NSUN4: variants seen among roughly 807,000 people sequenced by gnomAD.
NSUN4 encodes the protein 5-cytosine rRNA methyltransferase NSUN4.
In NSUN4, 31 loss-of-function variants were observed where a neutral mutation model predicts 43.8. The observed-to-expected ratio is 0.71, with a 90% CI of 0.53 to 0.96. The LOEUF is 0.96. Among genes scored for constraint, NSUN4 ranks in the 40% least tolerant of loss-of-function variants. NSUN4 has a pLI of 0.00. For synonymous variants in NSUN4, 167 were observed against 184.1 expected, an observed-to-expected ratio of 0.91 and a Z score of 0.75; for missense variants, 439 against 475.6, an observed-to-expected ratio of 0.92 and a Z score of 0.72.
the NSUN4 span, among the ~76,000 whole-genome samples, chr1:46,371,158 A>G: frequency 2.1e-5 from 3 of 143,870 alleles, no homozygotes; most frequent in Admixed American, 7.0e-5. Flanking sequence ...TTTTTTTGAG[A>G]CAGAGTCTTG....
At chr1:46,356,700 A>AG (rs201127808) in intron 4 of NSUN4, among the ~76,000 whole-genome samples, 32,040 of 148,536 alleles carry the variant, frequency 0.22, 3,981 homozygotes, top group Non-Finnish European at 0.29. Context: ...CAAAAAAAAA[A>AG]AAGAAGAAGA....
the NSUN4 span, among the ~76,000 whole-genome samples, chr1:46,383,458 T>TG: frequency 4.7e-5 from 7 of 147,944 alleles, no homozygotes; most frequent in Middle Eastern, 6.8e-3. Flanking sequence ...GTTTTTTTTT[T>TG]TTTTTTTTTT....
chr1:46,357,867 A>G (rs889606506), intron 4 of NSUN4, among the ~76,000 whole-genome samples: 8 of 152,198 alleles, frequency 5.3e-5, no homozygotes, highest in South Asian at 2.1e-4. Context: ...TGACTTAAGC[A>G]ATTGATGCCA....
Position 46,362,991 on chromosome 1 carries a change from T to TC in NSUN4, c.*1145_*1146insC, listed in dbSNP as rs1018621467. ...CAGATATTTTATTTTTAAACTTTTT[T>TC]TTTTTTTCCTGGAAAACATCCTGTG... On this transcript the variant is annotated 3_prime_UTR_variant, in exon 6 of 6. Transcript: ENST00000474844. The TC allele has an allele frequency of 6.6e-6, 1 of 152,028 alleles. No homozygotes were observed. The highest frequency in any genetic ancestry group is 2.4e-5 in the African/African-American group (1 of 41,412). 9.4% of individuals were successfully genotyped at this position (152,028 alleles called of 1,614,324 possible).
chr1:46,380,914 C>T, the NSUN4 span, among the ~76,000 whole-genome samples: 2 of 152,140 alleles, frequency 1.3e-5, no homozygotes, highest in South Asian at 4.1e-4. Context: ...AGGCCCTGTT[C>T]TGGTTGTGTT....
the NSUN4 span, among the ~76,000 whole-genome samples, chr1:46,373,057 C>T: frequency 6.6e-6 from 1 of 152,294 alleles, no homozygotes; most frequent in East Asian, 1.9e-4. Context: ...CCTTTAGCTT[C>T]CATTACCTTG....
the NSUN4 span, among the ~76,000 whole-genome samples, chr1:46,373,205 C>T: frequency 4.3e-4 from 66 of 151,958 alleles, no homozygotes; most frequent in African/African-American, 1.5e-3. Flanking sequence ...GATCCTTCAC[C>T]AGCACTGCCC....
chr1:46,374,098 G>A, the NSUN4 span, among the ~76,000 whole-genome samples: 2 of 151,702 alleles, frequency 1.3e-5, no homozygotes, highest in Non-Finnish European at 2.9e-5. Context: ...ATCAGCTTGC[G>A]CAACACGGTG....
intron 4 of NSUN4, among the ~76,000 whole-genome samples, chr1:46,354,879 C>G (rs1663258496): frequency 6.6e-6 from 1 of 152,136 alleles, no homozygotes; most frequent in Non-Finnish European, 1.5e-5. Flanking sequence ...CCATGTTGGT[C>G]AGACTGGTCT....
intron 2 of NSUN4, among the ~76,000 whole-genome samples, chr1:46,345,920 C>T (rs1245683286): frequency 1.3e-5 from 2 of 151,996 alleles, no homozygotes; most frequent in Non-Finnish European, 1.5e-5. Context: ...GAGGCTGAGG[C>T]GGGCGGATTG....
At chr1:46,360,249 A>AAAAAAAAAAAAT (rs1553177947) in intron 4 of NSUN4, among the ~76,000 whole-genome samples, 3 of 25,770 alleles carry the variant, frequency 1.2e-4, no homozygotes, top group Admixed American at 5.9e-4. Flanking sequence ...AAAAAAAAAA[A>AAAAAAAAAAAAT]ATATATATAT....
chr1:46,345,292 C>T lies in NSUN4; in HGVS notation c.437+148C>T. ...ACAGACTAGGCATTTTTTTGAGGTG[C>T]TGTACATATGTTATCTCTTTTTGTT... On this transcript the variant is annotated intron_variant, in intron 2 of 5. Coordinates refer to ENST00000474844, the MANE Select transcript of NSUN4 (RefSeq NM_199044.4). 2 of 613,606 alleles carry T rather than the reference C, an allele frequency of 3.3e-6. 1 individual carries two copies. The highest frequency in any genetic ancestry group is 4.1e-5 in the South Asian group (2 of 49,110). 38.0% of individuals were successfully genotyped at this position (613,606 alleles called of 1,614,324 possible). A position where few individuals can be genotyped will look rare whatever the true frequency, so the allele number is the denominator to read the frequency against.
At chr1:46,348,614 C>A (rs1368212218) in intron 3 of NSUN4, among the ~76,000 whole-genome samples, 2 of 146,352 alleles carry the variant, frequency 1.4e-5, no homozygotes, top group Non-Finnish European at 3.0e-5. Flanking sequence ...GAGGCTGAGG[C>A]AGGAAAATCG....
At chr1:46,356,664 G>A (rs969070443) in intron 4 of NSUN4, among the ~76,000 whole-genome samples, 7 of 151,742 alleles carry the variant, frequency 4.6e-5, no homozygotes, top group Non-Finnish European at 8.8e-5. Flanking sequence ...CTGCACTCCA[G>A]CCTGGGAGAC....
At chr1:46,380,346 A>G in the NSUN4 span, among the ~76,000 whole-genome samples, 1 of 152,198 alleles carries the variant, frequency 6.6e-6, no homozygotes, top group Non-Finnish European at 1.5e-5. Context: ...TCTTGCATGA[A>G]TGACCTGACA....
At chr1:46,374,013 G>A in the NSUN4 span, among the ~76,000 whole-genome samples, 2 of 152,088 alleles carry the variant, frequency 1.3e-5, no homozygotes, top group Non-Finnish European at 2.9e-5. Flanking sequence ...CTAGCCGGGC[G>A]CAGTGGCTCA....
rs1663909467 is a variant in NSUN4 at position 46,361,919 on chromosome 1, C to T, written c.*73C>T. The stretch of plus-strand genomic sequence containing the variant: ...ATGCACCAGAAACTGGAAACTGGGA[C>T]CAGTGGCAGAGATGCACTCTCGGTC... On this transcript the variant is annotated 3_prime_UTR_variant, in exon 6 of 6. Transcript: ENST00000474844. 1 of 1,390,958 alleles carries T rather than the reference C, an allele frequency of 7.2e-7. No homozygotes were observed. Among genetic ancestry groups the T allele is most frequent in the Non-Finnish European group, 9.8e-7 (1 of 1,017,482 alleles). 86.2% of individuals were successfully genotyped at this position (1,390,958 alleles called of 1,614,324 possible).
chr1:46,384,193 G>A, the NSUN4 span, among the ~76,000 whole-genome samples: 2 of 152,192 alleles, frequency 1.3e-5, no homozygotes, highest in African/African-American at 4.8e-5. Flanking sequence ...AAAGTAGAAG[G>A]CAAAGAATTG....
At chr1:46,345,220 C>T in intron 2 of NSUN4, 76 bp downstream of exon 2, 1 of 1,107,558 alleles carries the variant, frequency 9.0e-7, no homozygotes. Flanking sequence ...AGCTTCTACC[C>T]TCTGTAATAA....
Sources: gnomAD v4.1 joint callset for allele counts (sites outside exome capture counted in the v4.1 genomes callset) on GRCh38, gnomAD v4.1.1 for gene constraint, MANE v1.5 for transcripts, NCBI Gene and HGNC (gene_info 2026-07-23, HGNC 2026-07-21) for gene names.